Variants in CDH10 observed in about 807,000 individuals in gnomAD.
The protein encoded by CDH10 is cadherin-10.
Under a neutral mutation model 73.1 loss-of-function variants are expected in CDH10, and 30 were observed. The ratio of observed to expected loss-of-function variants is 0.41; its 90% confidence interval spans 0.31 to 0.56. The LOEUF (loss-of-function observed/expected upper bound fraction) is 0.56, where lower values mean the gene tolerates loss of function less well. Ranked by LOEUF, CDH10 falls within the 20% of genes least tolerant of loss-of-function variation. CDH10 has a pLI of 0.27. For missense variants in CDH10, 815 were observed against 973.7 expected (o/e 0.84, Z 2.17); for synonymous variants, 345 against 348.2 (o/e 0.99, Z 0.10).
At chr5:24,590,710 T>A (rs568352236) in intron 2 of CDH10, among the ~76,000 whole-genome samples, 1 of 152,016 alleles carries the variant, frequency 6.6e-6, no homozygotes, top group African/African-American at 2.4e-5. Flanking sequence ...TTTAAAAAAT[T>A]TTTTCTTCTG....
At chr5:24,641,626 T>C (rs1186392345) in intron 1 of CDH10, among the ~76,000 whole-genome samples, 1 of 152,102 alleles carries the variant, frequency 6.6e-6, no homozygotes, top group African/African-American at 2.4e-5. Flanking sequence ...TATAGTGTCA[T>C]TCCGAGAACG....
chr5:24,550,256 G>A (rs1397464467), intron 2 of CDH10, among the ~76,000 whole-genome samples: 2 of 152,042 alleles, frequency 1.3e-5, no homozygotes, highest in Admixed American at 6.6e-5. Flanking sequence ...GTTTTGACAT[G>A]CATATTTTTC....
At chr5:24,613,579 A>G (rs1336035783) in intron 1 of CDH10, among the ~76,000 whole-genome samples, 1 of 151,942 alleles carries the variant, frequency 6.6e-6, no homozygotes, top group Non-Finnish European at 1.5e-5. Context: ...AAGTGAAAGA[A>G]TGTCCTTGGA....
chr5:24,617,159 T>C (rs1188178191), intron 1 of CDH10, among the ~76,000 whole-genome samples: 1 of 151,746 alleles, frequency 6.6e-6, no homozygotes. Context: ...GTTAGGGAGG[T>C]GAATCTTGTG....
intron 2 of CDH10, among the ~76,000 whole-genome samples, chr5:24,577,533 A>G (rs1745648944): frequency 6.6e-6 from 1 of 152,212 alleles, no homozygotes; most frequent in Non-Finnish European, 1.5e-5. Flanking sequence ...TATTAGATAA[A>G]CCAACTGATC....
intron 7 of CDH10, among the ~76,000 whole-genome samples, chr5:24,508,335 T>C (rs1421422257): frequency 1.3e-5 from 2 of 152,210 alleles, no homozygotes; most frequent in Non-Finnish European, 2.9e-5. Flanking sequence ...TCACATCTCA[T>C]CTGTTTTTAA....
intron 2 of CDH10, among the ~76,000 whole-genome samples, chr5:24,580,835 G>T (rs992117162): frequency 1.3e-5 from 2 of 152,130 alleles, no homozygotes; most frequent in African/African-American, 2.4e-5. Context: ...GCCTTTTCCA[G>T]CTGTCTGCAT....
chr5:24,595,876 C>T (rs1241505808), intron 1 of CDH10, among the ~76,000 whole-genome samples: 1 of 151,866 alleles, frequency 6.6e-6, no homozygotes, highest in Non-Finnish European at 1.5e-5. Context: ...TAGGTGGGGA[C>T]TATAGCTATA....
chr5:24,504,457 AGCT>A (rs1742607936), intron 8 of CDH10, among the ~76,000 whole-genome samples: 2 of 135,768 alleles, frequency 1.5e-5, no homozygotes, highest in Non-Finnish European at 3.1e-5. Flanking sequence ...TCTTTGTGAG[AGCT>A]CCTGTGTCAT....
At chr5:24,555,301 TC>T (rs1172017582) in intron 2 of CDH10, among the ~76,000 whole-genome samples, 2 of 152,102 alleles carry the variant, frequency 1.3e-5, no homozygotes, top group Admixed American at 6.6e-5. Flanking sequence ...CTTTTCTCTT[TC>T]CTTACAAGCC....
intron 2 of CDH10, among the ~76,000 whole-genome samples, chr5:24,546,953 G>T (rs899970039): frequency 6.6e-6 from 1 of 152,130 alleles, no homozygotes. Flanking sequence ...AGAGCCAGAA[G>T]TTCATAATGA....
chr5:24,605,545 G>C (rs1746731075), intron 1 of CDH10, among the ~76,000 whole-genome samples: 1 of 152,214 alleles, frequency 6.6e-6, no homozygotes, highest in African/African-American at 2.4e-5. Context: ...CTTCCACGAA[G>C]TGGGTCGTTG....
intron 1 of CDH10, among the ~76,000 whole-genome samples, chr5:24,602,622 T>A (rs1426997118): frequency 6.6e-6 from 1 of 151,122 alleles, no homozygotes; most frequent in Non-Finnish European, 1.5e-5. Flanking sequence ...TTGCATTGCA[T>A]GTGTGTGTAT....
intron 2 of CDH10, among the ~76,000 whole-genome samples, chr5:24,563,451 T>TAAAA (rs34730632): frequency 2.0e-3 from 286 of 144,576 alleles, no homozygotes; most frequent in South Asian, 0.013. Context: ...TATAGAAGCT[T>TAAAA]AAAAAAAAAA....
At position 24,630,542 on chromosome 5, in the gene CDH10, GATC is replaced by G. The variant is rs201674381; in HGVS notation, c.-124+14049_-124+14051del. ...CACTCCAGCCCTGGTGACAAAAAGAGATCATCTTAAAAAAAAAAAAAAAAGAAT... is the reference window on the plus strand; with the variant it reads ...CACTCCAGCCCTGGTGACAAAAAGAGATCTTAAAAAAAAAAAAAAAAGAAT... On this transcript the variant is annotated intron_variant, in intron 1 of 11. Transcript: ENST00000264463. 6.1e-3 allele frequency among the ~76,000 whole-genome samples: 655 copies of G among 107,886 alleles called. 8 individuals are homozygous for G. Among genetic ancestry groups the G allele is most frequent in the Non-Finnish European group, 6.2e-3 (305 of 49,480 alleles). 70.8% of individuals were successfully genotyped at this position (107,886 alleles called of 152,430 possible). A position where few individuals can be genotyped will look rare whatever the true frequency, so the allele number is the denominator to read the frequency against.
At chr5:24,627,892 T>C (rs1747566161) in intron 1 of CDH10, among the ~76,000 whole-genome samples, 1 of 152,054 alleles carries the variant, frequency 6.6e-6, no homozygotes. Flanking sequence ...TAATATAGTA[T>C]ATGTATTATC....
At chr5:24,598,783 G>A (rs1746463349) in intron 1 of CDH10, among the ~76,000 whole-genome samples, 1 of 152,102 alleles carries the variant, frequency 6.6e-6, no homozygotes, top group African/African-American at 2.4e-5. Context: ...TCTCCTTCAA[G>A]CAAAACCGTT....
intron 2 of CDH10, among the ~76,000 whole-genome samples, chr5:24,588,260 C>A (rs1177564876): frequency 1.3e-5 from 2 of 152,052 alleles, no homozygotes. Flanking sequence ...TCTTCATGTC[C>A]TATTCATTAT....
At chr5:24,558,973 A>G (rs896537433) in intron 2 of CDH10, among the ~76,000 whole-genome samples, 2 of 151,830 alleles carry the variant, frequency 1.3e-5, no homozygotes, top group African/African-American at 4.8e-5. Context: ...TATTTTACAG[A>G]TTTTAGAAAT....
Sources: allele counts gnomAD v4.1 joint callset (sites outside exome capture counted in the v4.1 genomes callset), GRCh38; gene constraint gnomAD v4.1.1; transcripts MANE v1.5; gene names NCBI Gene and HGNC (gene_info 2026-07-23, HGNC 2026-07-21).